Variants in RAD52 observed in about 807,000 individuals in gnomAD.
RAD52 encodes DNA repair protein RAD52 homolog.
RAD52 carries 47 observed loss-of-function variants against 55.5 expected under a neutral mutation model. That is an observed-to-expected ratio of 0.85 (90% confidence interval 0.67 to 1.08). The LOEUF is 1.08. Ranked by LOEUF, RAD52 falls within the 50% of genes least tolerant of loss-of-function variation. The pLI is 0.00. For missense variants in RAD52, 468 were observed against 522.8 expected, an observed-to-expected ratio of 0.90 and a Z score of 1.02; for synonymous variants, 184 against 198.9, an observed-to-expected ratio of 0.92 and a Z score of 0.63.
chr12:988,001 C>T (rs1959108077), intron 1 of RAD52, among the ~76,000 whole-genome samples: 1 of 152,112 alleles, frequency 6.6e-6, no homozygotes, highest in Non-Finnish European at 1.5e-5. Context: ...AGTAAGGTAT[C>T]TTGCTCTGTC....
intron 5 of RAD52, among the ~76,000 whole-genome samples, chr12:928,192 T>G (rs1279939724): frequency 6.6e-6 from 1 of 152,152 alleles, no homozygotes; most frequent in Non-Finnish European, 1.5e-5. Flanking sequence ...TAAGTCAGAA[T>G]AGAATTAATG....
upstream of RAD52, among the ~76,000 whole-genome samples, chr12:950,293 C>T (rs1431680293): frequency 1.3e-5 from 2 of 152,154 alleles, no homozygotes; most frequent in Non-Finnish European, 2.9e-5. Flanking sequence ...CCCCTGGGGC[C>T]GGGCGTGGTG....
chr12:967,884 C>G (rs193197396), intron 1 of RAD52, among the ~76,000 whole-genome samples: 1 of 151,992 alleles, frequency 6.6e-6, no homozygotes, highest in African/African-American at 2.4e-5. Context: ...TGCAGTGAGC[C>G]GAGATCGCAC....
In RAD52 at chr12:912,637, GT is replaced by G. The variant is rs1956149021; in HGVS notation, c.*753del. On this transcript the variant is annotated 3_prime_UTR_variant, in exon 12 of 12. Transcript: ENST00000358495. ...TGTATTTTGTAAGGCAGAGGTGGGA[GT>G]ATCACTTGGGCCCAAGAGGTTGTGG... 1 of 162,982 alleles carries G rather than the reference GT, an allele frequency of 6.1e-6. No individual in the cohort carries two copies. Among genetic ancestry groups the G allele is most frequent in the South Asian group, 2.2e-4 (1 of 4,620 alleles). The allele number at this position is 162,982 out of a possible 1,614,324, so 10.1% of individuals were successfully genotyped here.
At chr12:973,779 C>CTTTTTTTTTTTTTTTT (rs1401411600) in intron 1 of RAD52, among the ~76,000 whole-genome samples, 9 of 136,856 alleles carry the variant, frequency 6.6e-5, no homozygotes, top group South Asian at 2.3e-4. Flanking sequence ...ACGCCCAGTC[C>CTTTTTTTTTTTTTTTT]TTCTTTTTTT....
At chr12:971,743 A>G (rs1195987878) in intron 1 of RAD52, among the ~76,000 whole-genome samples, 1 of 152,132 alleles carries the variant, frequency 6.6e-6, no homozygotes, top group Non-Finnish European at 1.5e-5. Flanking sequence ...TTGTTTTTGA[A>G]AGCTATTTGG....
intron 7 of RAD52, among the ~76,000 whole-genome samples, chr12:917,829 CT>C (rs1484656888): frequency 4.4e-5 from 2 of 45,824 alleles, no homozygotes; most frequent in African/African-American, 1.6e-4. Flanking sequence ...ATCCCAGCTA[CT>C]CGGGAGGCTG....
At chr12:915,067 A>G (rs1956283742) in intron 9 of RAD52, among the ~76,000 whole-genome samples, 1 of 152,214 alleles carries the variant, frequency 6.6e-6, no homozygotes, top group Non-Finnish European at 1.5e-5. Flanking sequence ...CAGGAAGGTC[A>G]AAGCTGCAGT....
At position 911,872 on chromosome 12, in the gene RAD52, A is replaced by AATT. The variant is rs57038565; in HGVS notation, c.*1516_*1518dup. ...CCGTCTCCTCTACTAAAAATACAAA[A>AATT]ATTAGTCGGGCGTCGTGGTGGGTGT... On this transcript the variant is annotated 3_prime_UTR_variant, in exon 12 of 12. Transcript: ENST00000358495. Among the ~76,000 whole-genome samples, 1 of 49,084 alleles carries AATT rather than the reference A, an allele frequency of 2.0e-5. No homozygotes were observed. The highest frequency in any genetic ancestry group is 4.9e-5 in the Non-Finnish European group (1 of 20,400). The allele number at this position is 49,084 out of a possible 152,430, so 32.2% of individuals were successfully genotyped here.
intron 1 of RAD52, among the ~76,000 whole-genome samples, chr12:963,640 T>G (rs1039431149): frequency 3.9e-5 from 6 of 152,144 alleles, no homozygotes; most frequent in African/African-American, 1.4e-4. Context: ...TAAAAATTTT[T>G]GTTGATACTA....
upstream of RAD52, among the ~76,000 whole-genome samples, chr12:950,151 G>C (rs545422513): frequency 6.6e-6 from 1 of 152,366 alleles, no homozygotes; most frequent in East Asian, 1.9e-4. Context: ...GGCAGCGGTG[G>C]ACCTGGTGGT....
intron 9 of RAD52, among the ~76,000 whole-genome samples, chr12:915,636 CT>C (rs1956320085): frequency 6.6e-6 from 1 of 152,190 alleles, no homozygotes; most frequent in Non-Finnish European, 1.5e-5. Context: ...GATAAATAAT[CT>C]GCCAAAAGTT....
chr12:945,657 A>T (rs1958178606), intron 1 of RAD52, among the ~76,000 whole-genome samples: 1 of 146,544 alleles, frequency 6.8e-6, no homozygotes, highest in Non-Finnish European at 1.5e-5. Flanking sequence ...GCTGGTCTCG[A>T]ACTCCTGACC....
chr12:940,915 A>C (rs1294737467), intron 1 of RAD52, among the ~76,000 whole-genome samples: 1 of 152,174 alleles, frequency 6.6e-6, no homozygotes, highest in East Asian at 1.9e-4. Flanking sequence ...CTAATATCAA[A>C]ATGTCTAACT....
chr12:981,889 T>A (rs1166574938), intron 1 of RAD52, among the ~76,000 whole-genome samples: 1 of 152,232 alleles, frequency 6.6e-6, no homozygotes, highest in Admixed American at 6.5e-5. Flanking sequence ...CCTGGCCCAG[T>A]GGATTAGCAG....
intron 5 of RAD52, among the ~76,000 whole-genome samples, chr12:929,236 TAAAG>T (rs920963893): frequency 5.9e-5 from 9 of 152,046 alleles, no homozygotes; most frequent in Non-Finnish European, 1.3e-4. Context: ...TGAGTTCAGA[TAAAG>T]AAAGAACAAT....
intron 1 of RAD52, among the ~76,000 whole-genome samples, chr12:956,218 A>T (rs1958603971): frequency 6.6e-6 from 1 of 152,186 alleles, no homozygotes; most frequent in South Asian, 2.1e-4. Context: ...CGCAATAAGC[A>T]GGGACAAGAA....
chr12:929,848 C>A lies in RAD52; in HGVS notation c.319G>T (p.Val107Phe). 1.9e-6 allele frequency: 3 copies of A among 1,614,090 alleles called. No homozygotes were observed. In the South Asian group the frequency reaches 3.3e-5, roughly 18 times the overall value. ...DLNNGKFYVGVCAFVRVQLKD... is the reference protein window; with the variant it reads ...DLNNGKFYVGFCAFVRVQLKD... Reference sequence around the variant, plus strand: ...AGCTGGACCCTCACAAATGCACAGACTCCCACGTAGAACTTGCCATTGTTG... The same window carrying A: ...AGCTGGACCCTCACAAATGCACAGAATCCCACGTAGAACTTGCCATTGTTG... The change falls in exon 5 of 12, where the codon GTC becomes TTC. Residue 107 changes from valine (V) to phenylalanine (F), a missense_variant. Val to Phe is a conservative substitution (Grantham distance 50, BLOSUM62 -1). Coordinates refer to ENST00000358495, the MANE Select transcript of RAD52 (RefSeq NM_134424.4).
intron 2 of RAD52, 57 bp from the exon 3 acceptor site, chr12:931,378 A>G (rs978960602): frequency 7.6e-7 from 1 of 1,314,232 alleles, no homozygotes. Flanking sequence ...CACATCATTG[A>G]GTCTCCATCC....
Sources: gnomAD v4.1 joint callset for allele counts (sites outside exome capture counted in the v4.1 genomes callset) on GRCh38, gnomAD v4.1.1 for gene constraint, MANE v1.5 for transcripts, NCBI Gene and HGNC (gene_info 2026-07-23, HGNC 2026-07-21) for gene names.